Variants in LTBP2 observed in about 807,000 individuals in gnomAD.
LTBP2 encodes latent-transforming growth factor beta-binding protein 2.
LTBP2 carries 103 observed loss-of-function variants against 210.6 expected under a neutral mutation model. The ratio of observed to expected loss-of-function variants is 0.49; its 90% confidence interval spans 0.42 to 0.58. LTBP2 has a LOEUF of 0.58. Among genes scored for constraint, LTBP2 ranks in the 20% least tolerant of loss-of-function variants. The pLI is 0.00. For missense variants in LTBP2, 2,313 were observed against 2,494.5 expected (o/e 0.93, Z 1.55); for synonymous variants, 1,007 against 1,015.0 (o/e 0.99, Z 0.15).
At chr14:74,521,869 G>A (rs2087207217) in intron 17 of LTBP2, 42 bp downstream of exon 17, 1 of 1,612,308 alleles carries the variant, frequency 6.2e-7, no homozygotes, top group African/African-American at 1.3e-5. Context: ...ACCCCCTCAA[G>A]ACTGTGGGGC....
At chr14:74,557,143 T>G (rs2087740324) in intron 3 of LTBP2, among the ~76,000 whole-genome samples, 2 of 152,114 alleles carry the variant, frequency 1.3e-5, no homozygotes, top group Admixed American at 6.5e-5. Flanking sequence ...ATGCCTGTGG[T>G]CCCAGGTACT....
At chr14:74,523,151 C>T (rs370964242) in intron 15 of LTBP2, among the ~76,000 whole-genome samples, 19 of 152,258 alleles carry the variant, frequency 1.2e-4, no homozygotes, top group African/African-American at 4.6e-4. Context: ...GCATCCCCCT[C>T]ACCGAGATCT....
chr14:74,543,711 T>C (rs7140170), intron 8 of LTBP2, among the ~76,000 whole-genome samples: 1 of 152,054 alleles, frequency 6.6e-6, no homozygotes, highest in Admixed American at 6.5e-5. Flanking sequence ...ATGGGGTTAT[T>C]ATGAACATGA....
At chr14:74,563,621 G>A (rs1389291640) in intron 3 of LTBP2, among the ~76,000 whole-genome samples, 5 of 151,898 alleles carry the variant, frequency 3.3e-5, no homozygotes, top group South Asian at 2.1e-4. Context: ...TTTAAATGGC[G>A]GAAAAGAAAT....
In LTBP2 at chr14:74,499,504, TTAAGAAAG is replaced by T; in HGVS notation, c.*1372_*1379del. ...AGCAGGTAGGACAGGGCAGATTAAA[TTAAGAAAG>T]TAGCATTCACTTCCATGCTCCAGTC... On this transcript the variant is annotated 3_prime_UTR_variant, in exon 36 of 36. Coordinates refer to ENST00000261978, the MANE Select transcript of LTBP2 (RefSeq NM_000428.3). 4.4e-6 allele frequency: 1 copy of T among 228,978 alleles called. No individual in the cohort carries two copies. The highest frequency in any genetic ancestry group is 1.8e-4 in the South Asian group (1 of 5,506). The allele number at this position is 228,978 out of a possible 1,614,324, so 14.2% of individuals were successfully genotyped here. A position where few individuals can be genotyped will look rare whatever the true frequency, so the allele number is the denominator to read the frequency against.
At position 74,526,056 on chromosome 14, in the gene LTBP2, G is replaced by A. The variant is rs372560607; in HGVS notation, c.2428+19C>T. ...CTCCCTTCTCTTTTGCCTAGGAGCC[G>A]CCAGGAAGAGGGACTCACCTGTGAC... On this transcript the variant is annotated intron_variant, in intron 14 of 35. Transcript: ENST00000261978. The A allele has an allele frequency of 3.8e-5, 60 of 1,597,900 alleles. 1 individual carries two copies. Among genetic ancestry groups the A allele is most frequent in the African/African-American group, 1.7e-4 (13 of 74,584 alleles).
At chr14:74,570,605 GT>G (rs1283831608) in intron 3 of LTBP2, among the ~76,000 whole-genome samples, 1 of 151,466 alleles carries the variant, frequency 6.6e-6, no homozygotes, top group Non-Finnish European at 1.5e-5. Context: ...AACCTATGAT[GT>G]GCCAGGCCTC....
In LTBP2 at chr14:74,511,347, G is replaced by A. The variant is rs781110818; in HGVS notation, c.2926C>T (p.His976Tyr). ...CTCCCATCAGGGCAGGTACCGGGGT[G>A]ACGGCATTCGTTGATATCTGCAAAA... ...GHCQDINECR[H>Y]PGTCPDGRCV... Residue 976 changes from histidine (H) to tyrosine (Y), a missense_variant, in exon 19 of 36, where the codon CAC (histidine) becomes TAC (tyrosine). Transcript: ENST00000261978. 1.2e-6 allele frequency: 2 copies of A among 1,614,138 alleles called. No homozygotes were observed. Among genetic ancestry groups the A allele is most frequent in the South Asian group, 2.2e-5 (2 of 91,080 alleles).
chr14:74,542,389 C>G (rs574764106), intron 8 of LTBP2, among the ~76,000 whole-genome samples: 1 of 152,322 alleles, frequency 6.6e-6, no homozygotes, highest in Admixed American at 6.5e-5. Context: ...ACAGTTTTGG[C>G]GCTGACTCCA....
rs924443602 is a variant in LTBP2, at chr14:74,507,215, G to T, written c.3871C>A (p.Pro1291Thr). 6.2e-7 allele frequency: 1 copy of T among 1,614,150 alleles called. No homozygotes were observed. The highest frequency in any genetic ancestry group is 1.3e-5 in the African/African-American group (1 of 75,032). The stretch of plus-strand genomic sequence containing the variant: ...CCGTTCGGGGCCATGTGGAAGCCAG[G>T]CTGGCAGCCCAGAACACAGCGGTAG... ...GSYRCVLGCQ[P>T]GFHMAPNGDC... The change falls in exon 26 of 36, where the codon CCT (proline) becomes ACT (threonine). Residue 1291 changes from proline to threonine, a missense_variant. By Grantham distance (38) the Pro-to-Thr change is conservative. Transcript: ENST00000261978.
chr14:74,599,110 T>C (rs557876594), intron 2 of LTBP2, among the ~76,000 whole-genome samples: 2 of 152,334 alleles, frequency 1.3e-5, no homozygotes, highest in African/African-American at 4.8e-5. Flanking sequence ...AAACCAACTC[T>C]ATATAGATTG....
intron 2 of LTBP2, among the ~76,000 whole-genome samples, chr14:74,596,623 A>T (rs1255790826): frequency 6.6e-6 from 1 of 152,192 alleles, no homozygotes; most frequent in Admixed American, 6.5e-5. Context: ...ATCACCCAGG[A>T]GAGCTGTGAC....
chr14:74,571,596 G>A (rs1160301151), intron 3 of LTBP2, among the ~76,000 whole-genome samples: 1 of 152,210 alleles, frequency 6.6e-6, no homozygotes, highest in Non-Finnish European at 1.5e-5. Flanking sequence ...ACTGCATTTT[G>A]TGGAGCCTCT....
chr14:74,503,030 C>G (rs538185227), intron 33 of LTBP2, 96 bp from the exon 34 acceptor site: 14 of 1,537,968 alleles, frequency 9.1e-6, no homozygotes, highest in Non-Finnish European at 1.1e-5. Context: ...GACTGGTACC[C>G]TCTGGGAGAT....
At chr14:74,564,995 T>G (rs1021408913) in intron 3 of LTBP2, among the ~76,000 whole-genome samples, 1 of 152,148 alleles carries the variant, frequency 6.6e-6, no homozygotes, top group African/African-American at 2.4e-5. Context: ...GTCTGTGCCC[T>G]TATGGTGAAG....
chr14:74,536,720 C>T (rs925336122), intron 8 of LTBP2, among the ~76,000 whole-genome samples: 2 of 152,170 alleles, frequency 1.3e-5, no homozygotes, highest in African/African-American at 4.8e-5. Flanking sequence ...GCAGCACATG[C>T]CTGTAATCCC....
In LTBP2 at chr14:74,505,103, G is replaced by T. The variant is rs754481746; in HGVS notation, c.4249C>A (p.Gln1417Lys). The T allele has an allele frequency of 2.5e-6, 4 of 1,613,890 alleles. No homozygotes were observed. Among genetic ancestry groups the T allele is most frequent in the African/African-American group, 1.3e-5 (1 of 74,922 alleles). ...APTRMDCYSG[Q>K]KGHAPCSSVL... Reference sequence around the variant, plus strand: ...CTGGAGCAGGGCGCATGGCCCTTCTGCCCGGAGTAGCAGTCCATGCGGGTG... The same window carrying T: ...CTGGAGCAGGGCGCATGGCCCTTCTTCCCGGAGTAGCAGTCCATGCGGGTG... The change falls in exon 29 of 36, where the codon CAG (glutamine) becomes AAG (lysine). Residue 1417 changes from glutamine (Q) to lysine (K), a missense_variant. Gln to Lys is a moderately conservative substitution (Grantham distance 53). This residue lies in a region of LTBP2 where 1,867 missense variants were observed against 1,976.9 expected (regional missense o/e 0.94). Coordinates refer to ENST00000261978, the MANE Select transcript of LTBP2 (RefSeq NM_000428.3).
At chr14:74,588,409 C>T (rs1325476878) in intron 2 of LTBP2, among the ~76,000 whole-genome samples, 1 of 152,046 alleles carries the variant, frequency 6.6e-6, no homozygotes, top group African/African-American at 2.4e-5. Context: ...TTATTGGAGA[C>T]GGAGTTTCTC....
At chr14:74,553,657 A>G (rs1158018498) in intron 4 of LTBP2, among the ~76,000 whole-genome samples, 1 of 152,184 alleles carries the variant, frequency 6.6e-6, no homozygotes, top group African/African-American at 2.4e-5. Flanking sequence ...GCAAGACATC[A>G]TGCTGGCTTT....
Sources: allele counts gnomAD v4.1 joint callset (sites outside exome capture counted in the v4.1 genomes callset), GRCh38; gene constraint gnomAD v4.1.1; regional missense constraint gnomAD v4.1.1; transcripts MANE v1.5; gene names NCBI Gene and HGNC (gene_info 2026-07-23, HGNC 2026-07-21).